RHPN2: variants seen among roughly 807,000 people sequenced by gnomAD.
The protein encoded by RHPN2 is rhophilin Rho GTPase binding protein 2.
RHPN2 carries 40 observed loss-of-function variants against 79.0 expected under a neutral mutation model. The observed-to-expected ratio is 0.51, with a 90% CI of 0.39 to 0.66. The LOEUF (loss-of-function observed/expected upper bound fraction) is 0.66, where lower values mean the gene tolerates loss of function less well. Ranked by LOEUF, RHPN2 falls within the 30% of genes least tolerant of loss-of-function variation. The pLI is 0.00. For missense variants in RHPN2, 686 were observed against 883.5 expected (o/e 0.78, Z 2.83); for synonymous variants, 285 against 363.5 (o/e 0.78, Z 2.46).
intron 5 of RHPN2, 40 bp from the exon 6 acceptor site, chr19:33,011,843 G>C: frequency 6.2e-7 from 1 of 1,613,696 alleles, no homozygotes; most frequent in Non-Finnish European, 8.5e-7. Flanking sequence ...AGCAGAGGAG[G>C]ACACAGCTGA....
rs572262385 is a variant in RHPN2 at position 32,979,521 on chromosome 19, C to T, written c.*475G>A. 1 of 157,200 alleles carries T rather than the reference C, an allele frequency of 6.4e-6. No individual in the cohort carries two copies. The highest frequency in any genetic ancestry group is 2.4e-5 in the African/African-American group (1 of 41,580). 9.7% of individuals were successfully genotyped at this position (157,200 alleles called of 1,614,324 possible). A position where few individuals can be genotyped will look rare whatever the true frequency, so the allele number is the denominator to read the frequency against. ...AATGAATTCCTATTAGGAAGCAGCA[C>T]TTTGGGACAGTTTTTAGTGACACTA... On this transcript the variant is annotated 3_prime_UTR_variant, in exon 15 of 15. Coordinates refer to ENST00000254260, the MANE Select transcript of RHPN2 (RefSeq NM_033103.5).
chr19:33,044,160 C>T (rs1972123232), intron 2 of RHPN2, 89 bp downstream of exon 2: 1 of 983,794 alleles, frequency 1.0e-6, no homozygotes, highest in Admixed American at 1.7e-5. Flanking sequence ...GAGGAGGAAA[C>T]CCAAAGCTGA....
intron 12 of RHPN2, among the ~76,000 whole-genome samples, chr19:32,992,813 TAAAAAAAA>T (rs56178801): frequency 1.5e-4 from 18 of 119,758 alleles, no homozygotes; most frequent in Non-Finnish European, 2.8e-4. Context: ...GACCCTGTCT[TAAAAAAAA>T]AAAAAAAAAA....
Position 33,064,768 on chromosome 19 carries a change from G to A in RHPN2, c.69+16C>T, listed in dbSNP as rs981347586. 8.4e-5 allele frequency: 47 copies of A among 556,378 alleles called. No homozygotes were observed. The African/African-American group carries it at 1.6e-3, about 19-fold the overall frequency. 34.5% of individuals were successfully genotyped at this position (556,378 alleles called of 1,614,324 possible). ...GGAGCCCGCAGGTCCCCGCCCGCCC[G>A]CCCGAAGCCGCCCACCTTCCGAAAG... is the stretch of plus-strand genomic sequence containing the variant. On this transcript the variant is annotated intron_variant, in intron 1 of 14. Coordinates refer to ENST00000254260, the MANE Select transcript of RHPN2 (RefSeq NM_033103.5).
chr19:33,063,141 C>T (rs1044103386), intron 1 of RHPN2, among the ~76,000 whole-genome samples: 1 of 152,136 alleles, frequency 6.6e-6, no homozygotes, highest in South Asian at 2.1e-4. Context: ...CATAGGAATT[C>T]CCAGGCCAGG....
chr19:33,064,755 T>TGCCCC, intron 1 of RHPN2, 29 bp downstream of exon 1: 2 of 1,427,940 alleles, frequency 1.4e-6, no homozygotes, highest in Non-Finnish European at 1.9e-6. Flanking sequence ...AGCCCGCAGG[T>TGCCCC]CCCCGCCCGC....
intron 4 of RHPN2, among the ~76,000 whole-genome samples, chr19:33,017,086 C>T (rs915343063): frequency 2.6e-5 from 4 of 152,180 alleles, no homozygotes; most frequent in African/African-American, 7.2e-5. Flanking sequence ...CTTTAAAATG[C>T]TTGCATTCTT....
At chr19:32,996,832 T>C (rs1179243087) in intron 10 of RHPN2, among the ~76,000 whole-genome samples, 1 of 152,104 alleles carries the variant, frequency 6.6e-6, no homozygotes, top group Non-Finnish European at 1.5e-5. Context: ...AGTCTCAAAG[T>C]GTGGCATTTC....
chr19:33,063,208 AG>A (rs1599839944), intron 1 of RHPN2, among the ~76,000 whole-genome samples: 2 of 152,290 alleles, frequency 1.3e-5, no homozygotes, highest in East Asian at 3.9e-4. Context: ...ACACATAATT[AG>A]AAGTTATAAT....
chr19:33,018,693 C>A (rs1971897525), intron 4 of RHPN2, among the ~76,000 whole-genome samples: 1 of 152,150 alleles, frequency 6.6e-6, no homozygotes, highest in African/African-American at 2.4e-5. Flanking sequence ...TGTCAAACAA[C>A]TCACTGTCTC....
At chr19:33,007,426 G>T (rs1971799901) in intron 7 of RHPN2, among the ~76,000 whole-genome samples, 1 of 152,002 alleles carries the variant, frequency 6.6e-6, no homozygotes, top group Non-Finnish European at 1.5e-5. Flanking sequence ...GGTGGAGGTT[G>T]CAGTGAGCCG....
At chr19:32,990,258 A>T (rs1322403679) in intron 14 of RHPN2, among the ~76,000 whole-genome samples, 1 of 152,038 alleles carries the variant, frequency 6.6e-6, no homozygotes, top group East Asian at 1.9e-4. Context: ...TAGAGGCTGC[A>T]GTAAGCCATG....
At chr19:33,042,112 A>G (rs1972104989) in intron 2 of RHPN2, among the ~76,000 whole-genome samples, 1 of 151,560 alleles carries the variant, frequency 6.6e-6, no homozygotes, top group South Asian at 2.1e-4. Flanking sequence ...CCACTTGAAC[A>G]TGGGAGGCAG....
At chr19:33,040,384 G>A (rs1972091337) in intron 2 of RHPN2, among the ~76,000 whole-genome samples, 1 of 151,598 alleles carries the variant, frequency 6.6e-6, no homozygotes, top group Non-Finnish European at 1.5e-5. Flanking sequence ...TTACGGGCAC[G>A]TGCCACCACA....
intron 6 of RHPN2, 25 bp downstream of exon 6, chr19:33,011,654 G>A (rs377498822): frequency 4.5e-5 from 73 of 1,613,924 alleles, no homozygotes; most frequent in African/African-American, 3.1e-4. Flanking sequence ...CACGTGAAGC[G>A]CCAGCGCAGA....
At chr19:32,995,239 A>AT (rs1222304361) in intron 11 of RHPN2, among the ~76,000 whole-genome samples, 15 of 149,800 alleles carry the variant, frequency 1.0e-4, no homozygotes, top group Admixed American at 3.3e-4. Context: ...CACCTGATGA[A>AT]TTTTTTTTTT....
chr19:33,026,763 T>G, intron 2 of RHPN2, 131 bp from the exon 3 acceptor site: 1 of 1,084,842 alleles, frequency 9.2e-7, no homozygotes, highest in Non-Finnish European at 1.4e-6. Context: ...GAGTGTCGGT[T>G]AAGGTATCCC....
rs956612101 is a variant in RHPN2, at chr19:33,008,137, G to C, written c.637C>G (p.Leu213Val). The change falls in exon 7 of 15, where the codon CTG becomes GTG. Residue 213 changes from leucine (L) to valine (V), a missense_variant. Coordinates refer to ENST00000254260, the MANE Select transcript of RHPN2 (RefSeq NM_033103.5). ...AACAGGACACTGGCCTTCTCCAGCAGCAGGTTCTGCTGGCTGACCGGAACC... is the reference window on the plus strand; with the variant it reads ...AACAGGACACTGGCCTTCTCCAGCACCAGGTTCTGCTGGCTGACCGGAACC... ...TGVPVSQQNL[L>V]LEKASVLFNT... The C allele has an allele frequency of 1.9e-6, 3 of 1,614,032 alleles. No homozygotes were observed. In the African/African-American group the frequency reaches 4.0e-5, roughly 22 times the overall value.
rs926832944 is a variant in RHPN2 at position 33,064,798 on chromosome 19, C to A, written c.55G>T (p.Gly19Cys). The change falls in exon 1 of 15, where the codon GGC becomes TGC. Residue 19 changes from glycine (G) to cysteine (C), a missense_variant. Gly to Cys is a radical substitution (Grantham distance 159). Coordinates refer to ENST00000254260, the MANE Select transcript of RHPN2 (RefSeq NM_033103.5). Reference protein sequence around the residue: ...APQPLEKENDGYFRKGCNPLA... With the variant: ...APQPLEKENDCYFRKGCNPLA... ...AAGCCGCCCACCTTCCGAAAGTAGCCGTCGTTCTCCTTCTCCAGCGGCTGG... is the reference window on the plus strand; with the variant it reads ...AAGCCGCCCACCTTCCGAAAGTAGCAGTCGTTCTCCTTCTCCAGCGGCTGG... 2.2e-5 allele frequency: 31 copies of A among 1,434,690 alleles called. No homozygotes were observed. In the Admixed American group the frequency reaches 6.6e-4, roughly 30 times the overall value. The allele number at this position is 1,434,690 out of a possible 1,614,324, so 88.9% of individuals were successfully genotyped here.
Sources: gnomAD v4.1 joint callset for allele counts (sites outside exome capture counted in the v4.1 genomes callset) on GRCh38, gnomAD v4.1.1 for gene constraint, MANE v1.5 for transcripts, NCBI Gene and HGNC (gene_info 2026-07-23, HGNC 2026-07-21) for gene names.